CCDC88C: variants seen among roughly 807,000 people sequenced by gnomAD.
CCDC88C encodes the protein coiled-coil and HOOK domain protein 88C, also known as protein Daple.
A neutral mutation model predicts 198.8 loss-of-function variants in CCDC88C; 131 were observed. The observed-to-expected ratio is 0.66, with a 90% CI of 0.57 to 0.76. The LOEUF (loss-of-function observed/expected upper bound fraction) is 0.76. CCDC88C is among the 30% of genes least tolerant of loss of function. The pLI is 0.00. For missense variants in CCDC88C, 2,553 were observed against 2,631.6 expected (o/e 0.97, Z 0.65); for synonymous variants, 1,166 against 1,114.7 (o/e 1.05, Z -0.92).
At position 91,417,804 on chromosome 14, in the gene CCDC88C, G is replaced by A. The variant is rs906991181; in HGVS notation, c.-114C>T. The stretch of plus-strand genomic sequence containing the variant: ...CGGGCGCGGGGCTGCGGCGGCTCGC[G>A]CCCGGGAGACAAAGGCGGGGCGCGC... On this transcript the variant is annotated 5_prime_UTR_variant, in exon 1 of 30. Transcript: ENST00000389857. 3.4e-6 allele frequency: 2 copies of A among 594,218 alleles called. No homozygotes were observed. Among genetic ancestry groups the A allele is most frequent in the African/African-American group, 2.0e-5 (1 of 50,162 alleles). 36.8% of individuals were successfully genotyped at this position (594,218 alleles called of 1,614,324 possible). A position where few individuals can be genotyped will look rare whatever the true frequency, so the allele number is the denominator to read the frequency against.
intron 4 of CCDC88C, among the ~76,000 whole-genome samples, chr14:91,345,930 CA>C (rs556896901): frequency 0.039 from 5,423 of 138,414 alleles, 339 homozygotes; most frequent in African/African-American, 0.13. Context: ...CTTTCAGGTT[CA>C]AAAAAAAAAA....
intron 1 of CCDC88C, 69 bp downstream of exon 1, chr14:91,417,562 G>T: frequency 1.4e-6 from 2 of 1,450,876 alleles, no homozygotes; most frequent in South Asian, 1.2e-5. Flanking sequence ...TCGGGTCTGC[G>T]GCGTCCCGTC....
rs1322674925 is a variant in CCDC88C, at chr14:91,345,188, A to AT, written c.341-1532dup. Among the ~76,000 whole-genome samples, 507 of 64,012 alleles carry AT rather than the reference A, an allele frequency of 7.9e-3. 5 individuals are homozygous for AT. The highest frequency in any genetic ancestry group is 0.014 in the African/African-American group (231 of 16,580). 42.0% of individuals were successfully genotyped at this position (64,012 alleles called of 152,430 possible). The stretch of plus-strand genomic sequence containing the variant: ...AATTTATATATATATATATATATAT[A>AT]TATTTTTTTTTTTTTTTTTTTTGAG... On this transcript the variant is annotated intron_variant, in intron 4 of 29. Coordinates refer to ENST00000389857, the MANE Select transcript of CCDC88C (RefSeq NM_001080414.4).
intron 3 of CCDC88C, among the ~76,000 whole-genome samples, chr14:91,397,198 C>T (rs980485022): frequency 2.0e-5 from 3 of 152,096 alleles, no homozygotes; most frequent in Non-Finnish European, 4.4e-5. Flanking sequence ...CCCTGTGAGG[C>T]TGCATGTTCT....
rs1442270764 is a variant in CCDC88C, at chr14:91,358,730, T to A, written c.340+912A>T. On this transcript the variant is annotated intron_variant, in intron 4 of 29. Coordinates refer to ENST00000389857, the MANE Select transcript of CCDC88C (RefSeq NM_001080414.4). The stretch of plus-strand genomic sequence containing the variant: ...GTTGCCCAGGCTGGTCTTAAACTCT[T>A]GGGCTCAAGCGATCCTCCTGCCTCG... Among the ~76,000 whole-genome samples, 7 of 152,252 alleles carry A rather than the reference T, an allele frequency of 4.6e-5. No individual in the cohort carries two copies. In the East Asian group the frequency reaches 1.4e-3, roughly 29 times the overall value.
intron 22 of CCDC88C, among the ~76,000 whole-genome samples, chr14:91,296,441 C>T (rs1019539340): frequency 1.3e-5 from 2 of 152,250 alleles, no homozygotes; most frequent in Non-Finnish European, 2.9e-5. Context: ...AAGATCCTGA[C>T]GCACCTGCCT....
At chr14:91,306,048 G>A (rs1027486510) in intron 18 of CCDC88C, 122 bp from the exon 19 acceptor site, 12 of 872,366 alleles carry the variant, frequency 1.4e-5, no homozygotes, top group South Asian at 4.8e-5. Flanking sequence ...TCGAGGGTCC[G>A]CTGGATGAGG....
chr14:91,398,556 T>TC (rs1885983646), intron 3 of CCDC88C, among the ~76,000 whole-genome samples: 2 of 151,852 alleles, frequency 1.3e-5, no homozygotes, highest in African/African-American at 4.8e-5. Context: ...ACTTGGTAGA[T>TC]TGAGGCTGGA....
At chr14:91,378,112 G>C (rs191670105) in intron 3 of CCDC88C, among the ~76,000 whole-genome samples, 1 of 152,340 alleles carries the variant, frequency 6.6e-6, no homozygotes, top group Non-Finnish European at 1.5e-5. Flanking sequence ...ACACGCACAT[G>C]TGGAAATGAT....
At chr14:91,289,860 A>G (rs1412985097) in intron 24 of CCDC88C, among the ~76,000 whole-genome samples, 1 of 152,174 alleles carries the variant, frequency 6.6e-6, no homozygotes, top group African/African-American at 2.4e-5. Flanking sequence ...CTGGTGTGAC[A>G]TGAAGAGAAC....
rs764083675 is a variant in CCDC88C at position 91,272,578 on chromosome 14, A to C, written c.*47T>G. The C allele has an allele frequency of 1.2e-5, 19 of 1,550,942 alleles. No homozygotes were observed. In the African/African-American group the frequency reaches 2.4e-4, roughly 20 times the overall value. Reference sequence around the variant, plus strand: ...CAAGAGAAAAGGCCGTGAGAGTCGGAAGGCGCGTCAGTAGTTTTCAGGTTT... The same window carrying C: ...CAAGAGAAAAGGCCGTGAGAGTCGGCAGGCGCGTCAGTAGTTTTCAGGTTT... On this transcript the variant is annotated 3_prime_UTR_variant, in exon 30 of 30. Coordinates refer to ENST00000389857, the MANE Select transcript of CCDC88C (RefSeq NM_001080414.4).
chr14:91,324,976 CT>C (rs962006180), intron 11 of CCDC88C, 53 bp from the exon 12 acceptor site: 1 of 1,607,210 alleles, frequency 6.2e-7, no homozygotes, highest in African/African-American at 1.3e-5. Flanking sequence ...GGAGATCCCC[CT>C]GGACAAGCCT....
intron 4 of CCDC88C, among the ~76,000 whole-genome samples, chr14:91,347,089 G>A (rs555941639): frequency 5.9e-5 from 9 of 152,154 alleles, no homozygotes; most frequent in South Asian, 4.2e-4. Flanking sequence ...CTTCCCAGCC[G>A]TCACTGGCTT....
At position 91,338,359 on chromosome 14, in the gene CCDC88C, C is replaced by T. The variant is rs185369780; in HGVS notation, c.891+130G>A. On this transcript the variant is annotated intron_variant, in intron 9 of 29. Transcript: ENST00000389857. The surrounding 1 kb of genome is among the most constrained non-coding windows in gnomAD (Gnocchi z 4.8). ...TAAGAAACAGGGTCATCCCCATAGC[C>T]GTGCTCAGGACAAGTGGCTCTTGTG... The T allele has an allele frequency of 1.4e-4, 133 of 976,954 alleles. 1 individual carries two copies. In the African/African-American group the frequency reaches 1.8e-3, roughly 13 times the overall value. The allele number at this position is 976,954 out of a possible 1,614,324, so 60.5% of individuals were successfully genotyped here.
chr14:91,277,950 T>A lies in CCDC88C; in HGVS notation c.5030A>T (p.Glu1677Val). 2.0e-6 allele frequency: 3 copies of A among 1,530,358 alleles called. No individual in the cohort carries two copies. Among genetic ancestry groups the A allele is most frequent in the Non-Finnish European group, 2.7e-6 (3 of 1,130,850 alleles). 94.8% of individuals were successfully genotyped at this position (1,530,358 alleles called of 1,614,324 possible). Residue 1677 changes from glutamate (E) to valine (V), a missense_variant, in exon 29 of 30, where the codon GAG (glutamate) becomes GTG (valine). Glu to Val is a moderately radical substitution (Grantham distance 121). Coordinates refer to ENST00000389857, the MANE Select transcript of CCDC88C (RefSeq NM_001080414.4). The part of the protein sequence containing the change: ...SEMVTLEEFL[E>V]ESNRSSPTHD... ...GGTGGGGGAGCTGCGGTTGCTCTCC[T>A]CCAGGAACTCCTCCAAGGTGACCAT...
intron 3 of CCDC88C, among the ~76,000 whole-genome samples, chr14:91,406,687 T>C (rs1378539776): frequency 6.6e-6 from 1 of 152,252 alleles, no homozygotes; most frequent in Non-Finnish European, 1.5e-5. Flanking sequence ...ACAGGGCCCA[T>C]GCCCTGCGTA....
At chr14:91,389,061 A>T (rs748395707) in intron 3 of CCDC88C, among the ~76,000 whole-genome samples, 1 of 152,172 alleles carries the variant, frequency 6.6e-6, no homozygotes, top group Non-Finnish European at 1.5e-5. Context: ...CCAGCCCAAC[A>T]TGAGGTTCAA....
intron 23 of CCDC88C, among the ~76,000 whole-genome samples, chr14:91,293,528 AC>A (rs1890836061): frequency 2.1e-4 from 1 of 4,654 alleles, no homozygotes; most frequent in African/African-American, 1.6e-3. Flanking sequence ...CTGTCCCCTC[AC>A]CTGCCACGGC....
intron 1 of CCDC88C, chr14:91,417,190 C>T (rs1307471235): frequency 1.4e-6 from 1 of 697,162 alleles, no homozygotes; most frequent in Non-Finnish European, 2.6e-6. Flanking sequence ...CATTCGGCGC[C>T]CCCCATTCCC....
Sources: gnomAD v4.1 joint callset for allele counts (sites outside exome capture counted in the v4.1 genomes callset) on GRCh38, gnomAD v4.1.1 for gene constraint, Gnocchi (gnomAD v3.1) non-coding constraint, MANE v1.5 for transcripts, NCBI Gene and HGNC (gene_info 2026-07-23, HGNC 2026-07-21) for gene names.